The following MILR1 variants were observed in gnomAD, a reference collection of about 807,000 sequenced individuals.
MILR1 encodes the protein allergin-1.
Under a neutral mutation model 18.5 loss-of-function variants are expected in MILR1, and 31 were observed. That is an observed-to-expected ratio of 1.68 (90% CI 1.26 to 2.26). The LOEUF (loss-of-function observed/expected upper bound fraction) is 2.26. MILR1 is among the 30% of genes most tolerant of loss of function. The probability of loss-of-function intolerance (pLI) is 0.00; values close to 1 mark genes in which losing one functional copy is unlikely to be tolerated. For missense variants in MILR1, 257 were observed against 157.4 expected, an observed-to-expected ratio of 1.63 and a Z score of -3.38; for synonymous variants, 85 against 56.2, an observed-to-expected ratio of 1.51 and a Z score of -2.30.
downstream of MILR1, among the ~76,000 whole-genome samples, chr17:64,471,859 A>G (rs1438242156): frequency 1.3e-5 from 2 of 152,254 alleles, no homozygotes; most frequent in Non-Finnish European, 2.9e-5. Context: ...CTAAATATGT[A>G]CAGGAACTTA....
At chr17:64,487,116 A>C in the MILR1 span, 1 of 152,190 alleles carries the variant, frequency 6.6e-6, no homozygotes, top group Admixed American at 6.5e-5. Flanking sequence ...CACAAATTTA[A>C]ATCCTCAGCT....
At chr17:64,472,219 G>A (rs373243983), downstream of MILR1, among the ~76,000 whole-genome samples, 7 of 151,772 alleles carry the variant, frequency 4.6e-5, no homozygotes, top group Non-Finnish European at 8.8e-5. Flanking sequence ...AGTGGCTCAC[G>A]TCTGTAATCC....
chr17:64,467,870 G>C (rs139917533), intron 9 of MILR1: 5 of 362,374 alleles, frequency 1.4e-5, no homozygotes, highest in African/African-American at 1.1e-4. Flanking sequence ...GGGAGGCAGA[G>C]GTTGCAGTGA....
the MILR1 span, among the ~76,000 whole-genome samples, chr17:64,495,262 G>A: frequency 1.3e-5 from 2 of 150,454 alleles, no homozygotes; most frequent in African/African-American, 2.5e-5. Flanking sequence ...AACTTTAAAC[G>A]AAGAAAGTTA....
downstream of MILR1, among the ~76,000 whole-genome samples, chr17:64,469,745 C>T (rs1046159651): frequency 1.9e-4 from 29 of 152,254 alleles, no homozygotes; most frequent in African/African-American, 6.7e-4. Flanking sequence ...CACCTCAGCA[C>T]GCTCAGACCC....
the MILR1 span, among the ~76,000 whole-genome samples, chr17:64,483,772 C>G: frequency 6.6e-6 from 1 of 150,580 alleles, no homozygotes; most frequent in Admixed American, 6.6e-5. Context: ...CTAGAATGCT[C>G]CACTCACTGC....
At chr17:64,496,316 T>C in the MILR1 span, 1 of 792,810 alleles carries the variant, frequency 1.3e-6, no homozygotes, top group African/African-American at 1.7e-5. Context: ...TGCATGGGAA[T>C]ACAGGGCCAG....
the MILR1 span, among the ~76,000 whole-genome samples, chr17:64,492,236 A>G: frequency 6.6e-6 from 1 of 152,026 alleles, no homozygotes; most frequent in Non-Finnish European, 1.5e-5. Context: ...AAATGGTAAC[A>G]TAACACATGG....
At chr17:64,482,785 T>G in the MILR1 span, 1 of 654,382 alleles carries the variant, frequency 1.5e-6, no homozygotes, top group South Asian at 1.7e-5. Context: ...TCAGAACATT[T>G]AAGATTTTGG....
Position 64,468,351 on chromosome 17 carries a change from C to T in MILR1, c.*70C>T, listed in dbSNP as rs188177922. The T allele has an allele frequency of 1.5e-3, 673 of 452,618 alleles. 3 individuals carry two copies. The highest frequency in any genetic ancestry group is 0.01 in the African/African-American group (499 of 49,702). 28.0% of individuals were successfully genotyped at this position (452,618 alleles called of 1,614,324 possible). A position where few individuals can be genotyped will look rare whatever the true frequency, so the allele number is the denominator to read the frequency against. ...TTGCCCAGGCTGGAGTTCAGTAGCG[C>T]GATCTTGGCTCACTTCAATCTCCAT... On this transcript the variant is annotated 3_prime_UTR_variant, in exon 10 of 10. Coordinates refer to ENST00000619286, the MANE Select transcript of MILR1 (RefSeq NM_001085423.2).
chr17:64,478,846 G>A, the MILR1 span, among the ~76,000 whole-genome samples: 9 of 152,096 alleles, frequency 5.9e-5, no homozygotes, highest in Non-Finnish European at 8.8e-5. Flanking sequence ...GCACTAAGCC[G>A]AGATCACGCC....
chr17:64,493,082 C>T, the MILR1 span: 13 of 1,533,002 alleles, frequency 8.5e-6, no homozygotes, highest in Admixed American at 8.3e-5. Flanking sequence ...TCATTTTTGT[C>T]AATAGACACA....
chr17:64,481,730 C>A, the MILR1 span, among the ~76,000 whole-genome samples: 2 of 151,950 alleles, frequency 1.3e-5, no homozygotes, highest in African/African-American at 4.8e-5. Context: ...AAAAAATTAG[C>A]CAGGTGTGGC....
chr17:64,451,397 T>C (rs2037167854), intron 2 of MILR1, among the ~76,000 whole-genome samples: 1 of 152,120 alleles, frequency 6.6e-6, no homozygotes, highest in Non-Finnish European at 1.5e-5. Flanking sequence ...TGCCTCAGCC[T>C]CCCAAATTGC....
intron 2 of MILR1, among the ~76,000 whole-genome samples, chr17:64,450,631 C>A (rs1163652094): frequency 6.6e-6 from 1 of 152,020 alleles, no homozygotes; most frequent in East Asian, 1.9e-4. Flanking sequence ...AGGCACGTGC[C>A]ACCATGCCTG....
chr17:64,449,935 TTTCTTTCTTTC>T (rs1346576925), intron 2 of MILR1, among the ~76,000 whole-genome samples: 1 of 97,564 alleles, frequency 1.0e-5, no homozygotes, highest in Non-Finnish European at 2.0e-5. Context: ...TCTTTCTTTC[TTTCTTTCTTTC>T]TTTTTTTTTT....
At chr17:64,496,470 G>A in the MILR1 span, 1 of 1,607,038 alleles carries the variant, frequency 6.2e-7, no homozygotes, top group Non-Finnish European at 8.5e-7. Flanking sequence ...AATGCTACTA[G>A]CTGTTCCTTA....
chr17:64,496,408 G>A, the MILR1 span: 3 of 1,564,188 alleles, frequency 1.9e-6, no homozygotes, highest in Admixed American at 1.8e-5. Context: ...GAAGCATACC[G>A]TGAAGAAGGT....
rs921464146 is a variant in MILR1, at chr17:64,451,229, G to A, written c.98-1368G>A. Among the ~76,000 whole-genome samples, 7 of 151,480 alleles carry A rather than the reference G, an allele frequency of 4.6e-5. No homozygotes were observed. The South Asian group carries it at 8.3e-4, about 18-fold the overall frequency. Reference sequence around the variant, plus strand: ...TGCGATCTTAGCTTTCCGCAGCCTCGACCTTCCAAGCTCAATTGATCCTCC... The same window carrying A: ...TGCGATCTTAGCTTTCCGCAGCCTCAACCTTCCAAGCTCAATTGATCCTCC... On this transcript the variant is annotated intron_variant, in intron 2 of 9. Transcript: ENST00000619286.
Sources: allele counts gnomAD v4.1 joint callset (sites outside exome capture counted in the v4.1 genomes callset), GRCh38; gene constraint gnomAD v4.1.1; transcripts MANE v1.5; gene names NCBI Gene and HGNC (gene_info 2026-07-23, HGNC 2026-07-21).